Variants in NEBL observed in about 807,000 individuals in gnomAD.
NEBL encodes LIM and SH3 protein 2.
A neutral mutation model predicts 140.2 loss-of-function variants in NEBL; 122 were observed. The ratio of observed to expected loss-of-function variants is 0.87; its 90% confidence interval spans 0.75 to 1.01. NEBL has a LOEUF of 1.01. Among genes scored for constraint, NEBL ranks in the 50% least tolerant of loss-of-function variants. NEBL has a pLI of 0.00. For synonymous variants in NEBL, 436 were observed against 398.9 expected, an observed-to-expected ratio of 1.09 and a Z score of -1.11; for missense variants, 1,365 against 1,231.3, an observed-to-expected ratio of 1.11 and a Z score of -1.62.
chr10:20,961,932 G>C (rs1480825092), intron 3 of NEBL, among the ~76,000 whole-genome samples: 1 of 152,172 alleles, frequency 6.6e-6, no homozygotes, highest in Admixed American at 6.5e-5. Context: ...AAACAGCCAG[G>C]CTACCTGGTT....
At chr10:20,889,819 C>T (rs1846866102) in intron 3 of NEBL, 26 bp downstream of exon 3, 1 of 1,364,536 alleles carries the variant, frequency 7.3e-7, no homozygotes, top group Non-Finnish European at 1.0e-6. Flanking sequence ...AAATGCAAGC[C>T]AGTTTGCAAG....
intron 12 of NEBL, among the ~76,000 whole-genome samples, chr10:20,844,337 G>A (rs1468514787): frequency 1.3e-5 from 2 of 151,324 alleles, no homozygotes; most frequent in Admixed American, 6.6e-5. Flanking sequence ...ATGTATGTAT[G>A]TAATATACAT....
At chr10:21,174,493 C>T (rs1369997075), upstream of NEBL, 2 of 152,634 alleles carry the variant, frequency 1.3e-5, no homozygotes, top group Non-Finnish European at 2.9e-5. Flanking sequence ...CGGGGGCACC[C>T]TCATCCCAGG....
intron 2 of NEBL, chr10:21,172,366 G>A (rs764398410): frequency 5.4e-5 from 85 of 1,583,434 alleles, no homozygotes; most frequent in Non-Finnish European, 6.5e-5. Flanking sequence ...CCTGGACAGC[G>A]TGTTGACAAT....
At chr10:21,014,318 C>T (rs1172590596) in intron 3 of NEBL, among the ~76,000 whole-genome samples, 11 of 152,022 alleles carry the variant, frequency 7.2e-5, no homozygotes, top group Non-Finnish European at 1.5e-4. Context: ...ACCACCCTCT[C>T]TCCCACTAGA....
chr10:21,234,749 G>A (rs1416254915), intron 3 of NEBL, among the ~76,000 whole-genome samples: 2 of 152,130 alleles, frequency 1.3e-5, no homozygotes, highest in Admixed American at 6.6e-5. Flanking sequence ...TTTAATGTCT[G>A]CAGAGAAGCC....
chr10:20,919,897 G>T (rs1833497995), intron 4 of NEBL, among the ~76,000 whole-genome samples: 1 of 152,070 alleles, frequency 6.6e-6, no homozygotes, highest in Non-Finnish European at 1.5e-5. Flanking sequence ...GCAAGCAAAA[G>T]CAAGGTAGCA....
intron 4 of NEBL, among the ~76,000 whole-genome samples, chr10:20,887,648 C>T (rs1846648937): frequency 6.6e-6 from 1 of 152,148 alleles, no homozygotes; most frequent in Non-Finnish European, 1.5e-5. Context: ...AACTCCTGAG[C>T]TCAAGCATTC....
At chr10:20,973,531 T>C (rs1412558643) in intron 3 of NEBL, among the ~76,000 whole-genome samples, 1 of 152,180 alleles carries the variant, frequency 6.6e-6, no homozygotes, top group Non-Finnish European at 1.5e-5. Flanking sequence ...ATTGTAGACA[T>C]AAGCCATCGC....
chr10:20,887,060 A>G (rs1489849639), intron 4 of NEBL, among the ~76,000 whole-genome samples: 2 of 152,182 alleles, frequency 1.3e-5, no homozygotes, highest in Non-Finnish European at 2.9e-5. Context: ...AACCTCCCCA[A>G]ATTTGATTGT....
intron 2 of NEBL, among the ~76,000 whole-genome samples, chr10:21,144,713 T>C (rs1026816442): frequency 6.6e-6 from 1 of 150,854 alleles, no homozygotes; most frequent in Non-Finnish European, 1.5e-5. Flanking sequence ...GGAGACAGAG[T>C]GAGACTCTGT....
chr10:20,961,625 G>A (rs560180012), intron 4 of NEBL: 20 of 1,360,990 alleles, frequency 1.5e-5, no homozygotes, highest in Non-Finnish European at 1.9e-5. Flanking sequence ...TTCTCATCCA[G>A]AAATGCACAT....
At chr10:21,132,871 G>A (rs1346003190) in intron 2 of NEBL, among the ~76,000 whole-genome samples, 1 of 152,124 alleles carries the variant, frequency 6.6e-6, no homozygotes, top group Non-Finnish European at 1.5e-5. Context: ...TATAGATTCT[G>A]GGTACTAGTT....
intron 3 of NEBL, among the ~76,000 whole-genome samples, chr10:20,996,382 C>A (rs560785918): frequency 1.6e-4 from 25 of 152,292 alleles, no homozygotes; most frequent in African/African-American, 5.8e-4. Context: ...ACTTTATAGA[C>A]AGCGAAGTGA....
At chr10:21,169,819 A>G (rs1840996151) in intron 2 of NEBL, among the ~76,000 whole-genome samples, 1 of 152,240 alleles carries the variant, frequency 6.6e-6, no homozygotes, top group Non-Finnish European at 1.5e-5. Context: ...AAAACTAAAA[A>G]TAATGTACTG....
chr10:20,842,577 A>T (rs1350072204), intron 12 of NEBL, among the ~76,000 whole-genome samples: 1 of 152,100 alleles, frequency 6.6e-6, no homozygotes, highest in Non-Finnish European at 1.5e-5. Flanking sequence ...ACTATTTTTT[A>T]AGTTAATTTT....
intron 2 of NEBL, among the ~76,000 whole-genome samples, chr10:20,894,750 T>TAAA (rs35938506): frequency 2.4e-4 from 28 of 114,676 alleles, no homozygotes; most frequent in African/African-American, 9.1e-4. Flanking sequence ...CCGTCTCTAC[T>TAAA]AAAAAAAAAA....
intron 1 of NEBL, among the ~76,000 whole-genome samples, chr10:21,268,629 T>G (rs1410404392): frequency 6.6e-6 from 1 of 151,782 alleles, no homozygotes; most frequent in African/African-American, 2.4e-5. Context: ...GTTCATGCAA[T>G]TCTCCTGCCT....
intron 2 of NEBL, among the ~76,000 whole-genome samples, chr10:21,049,782 T>C (rs1476637412): frequency 6.6e-6 from 1 of 152,230 alleles, no homozygotes; most frequent in African/African-American, 2.4e-5. Context: ...TCTGCATCTC[T>C]CTTCTCTAAT....
Sources: gnomAD v4.1 joint callset for allele counts (sites outside exome capture counted in the v4.1 genomes callset) on GRCh38, gnomAD v4.1.1 for gene constraint, MANE v1.5 for transcripts, NCBI Gene and HGNC (gene_info 2026-07-23, HGNC 2026-07-21) for gene names.